OSBPL2: variants seen among roughly 807,000 people sequenced by gnomAD.
The protein encoded by OSBPL2 is oxysterol binding protein like 2, also known as oxysterol-binding protein-related protein 2.
OSBPL2 carries 18 observed loss-of-function variants against 58.4 expected under a neutral mutation model. The observed-to-expected ratio is 0.31, with a 90% CI of 0.21 to 0.46. The LOEUF is 0.46. Ranked by LOEUF, OSBPL2 falls within the 20% of genes least tolerant of loss-of-function variation. The pLI is 1.00. For synonymous variants in OSBPL2, 221 were observed against 234.1 expected (o/e 0.94, Z 0.51); for missense variants, 461 against 616.5 (o/e 0.75, Z 2.67).
chr20:62,256,961 A>C (rs562554537), intron 2 of OSBPL2, among the ~76,000 whole-genome samples: 1 of 152,378 alleles, frequency 6.6e-6, no homozygotes, highest in Non-Finnish European at 1.5e-5. Flanking sequence ...TTTTCTGGAA[A>C]GGACCATTGC....
intron 6 of OSBPL2, among the ~76,000 whole-genome samples, chr20:62,275,482 T>G (rs1300718957): frequency 2.0e-5 from 3 of 151,650 alleles, no homozygotes; most frequent in Non-Finnish European, 4.4e-5. Context: ...CACTGTAGCC[T>G]CGACCTCCTG....
At chr20:62,258,113 G>A (rs1209469146) in intron 2 of OSBPL2, among the ~76,000 whole-genome samples, 1 of 152,168 alleles carries the variant, frequency 6.6e-6, no homozygotes, top group Non-Finnish European at 1.5e-5. Flanking sequence ...AGGAGCCACA[G>A]GGTGTGCGGG....
chr20:62,244,846 C>A (rs972863013), intron 1 of OSBPL2, among the ~76,000 whole-genome samples: 1 of 152,244 alleles, frequency 6.6e-6, no homozygotes, highest in Non-Finnish European at 1.5e-5. Flanking sequence ...TCACCTTTGC[C>A]TGCCTCTCAA....
At chr20:62,281,758 G>A (rs1159635048) in intron 8 of OSBPL2, 32 bp from the exon 9 acceptor site, 4 of 1,517,950 alleles carry the variant, frequency 2.6e-6, no homozygotes, top group Non-Finnish European at 2.7e-6. Context: ...TTGCTGTCTT[G>A]CAGCAGAAAC....
At chr20:62,286,449 G>GA (rs375911327) in intron 10 of OSBPL2, 134 bp from the exon 11 acceptor site, 108,297 of 777,060 alleles carry the variant, frequency 0.14, no homozygotes, top group South Asian at 0.17. Context: ...GACTCCGTCT[G>GA]AAAAAAAAAA....
rs896467747 is a variant in OSBPL2 at position 62,263,561 on chromosome 20, G to A, written c.183-55G>A. ...TCGTCATTGAGCACAGCCTCCTTGA[G>A]TGGTCAGAGTCCTGTGTTGAATTCA... On this transcript the variant is annotated intron_variant, in intron 3 of 13. Coordinates refer to ENST00000313733, the MANE Select transcript of OSBPL2 (RefSeq NM_144498.4). The A allele has an allele frequency of 5.3e-6, 7 of 1,312,230 alleles. No homozygotes were observed. The South Asian group carries it at 5.9e-5, about 11-fold the overall frequency. 81.3% of individuals were successfully genotyped at this position (1,312,230 alleles called of 1,614,324 possible). A position where few individuals can be genotyped will look rare whatever the true frequency, so the allele number is the denominator to read the frequency against.
chr20:62,260,636 C>G (rs1239183903), intron 3 of OSBPL2, among the ~76,000 whole-genome samples: 1 of 152,150 alleles, frequency 6.6e-6, no homozygotes, highest in African/African-American at 2.4e-5. Context: ...CCCTTTCCTC[C>G]TCCTCCACGT....
At chr20:62,265,012 C>T (rs1981575364) in intron 4 of OSBPL2, among the ~76,000 whole-genome samples, 1 of 152,186 alleles carries the variant, frequency 6.6e-6, no homozygotes, top group Non-Finnish European at 1.5e-5. Flanking sequence ...GGACTGTTAA[C>T]CTGATCACTT....
chr20:62,253,042 C>T (rs1293780007), intron 1 of OSBPL2, among the ~76,000 whole-genome samples: 1 of 152,262 alleles, frequency 6.6e-6, no homozygotes, highest in African/African-American at 2.4e-5. Context: ...AGAAACTGGA[C>T]AAACCTGGGC....
intron 1 of OSBPL2, among the ~76,000 whole-genome samples, chr20:62,254,465 G>C (rs1178111426): frequency 2.0e-5 from 3 of 152,266 alleles, no homozygotes; most frequent in Non-Finnish European, 4.4e-5. Flanking sequence ...CCGTGAGCAG[G>C]GCTGTCTGCG....
chr20:62,278,956 C>T, intron 6 of OSBPL2: 1 of 551,782 alleles, frequency 1.8e-6, no homozygotes. Context: ...AGTGCGATGT[C>T]ATGTTTGTGT....
intron 1 of OSBPL2, among the ~76,000 whole-genome samples, chr20:62,252,498 C>T (rs575985678): frequency 2.0e-5 from 3 of 152,164 alleles, no homozygotes; most frequent in Non-Finnish European, 4.4e-5. Context: ...TCCTCCCGGG[C>T]GCCTCCTTTT....
At position 62,290,485 on chromosome 20, in the gene OSBPL2, C is replaced by G. The variant is rs1228101700; in HGVS notation, c.1249+1155C>G. ...AGGCTGGAGGGCAGTGGTGCGATCT[C>G]GGTTCACTGCAAGCTCCGCCTTCTG... is the stretch of plus-strand genomic sequence containing the variant. On this transcript the variant is annotated intron_variant, in intron 12 of 13. Transcript: ENST00000313733. Among the ~76,000 whole-genome samples, 4 of 131,430 alleles carry G rather than the reference C, an allele frequency of 3.0e-5. No individual in the cohort carries two copies. In the South Asian group the frequency reaches 7.5e-4, roughly 25 times the overall value. 86.2% of individuals were successfully genotyped at this position (131,430 alleles called of 152,430 possible).
chr20:62,281,371 T>A, intron 8 of OSBPL2: 1 of 563,138 alleles, frequency 1.8e-6, no homozygotes, highest in Non-Finnish European at 3.2e-6. Context: ...GACCTCGTTT[T>A]TCGTCACGGT....
At chr20:62,280,268 G>T in intron 7 of OSBPL2, 1 of 481,304 alleles carries the variant, frequency 2.1e-6, no homozygotes, top group Non-Finnish European at 3.4e-6. Context: ...CTGGATGGTG[G>T]CTAGAAGGTT....
chr20:62,241,085 C>G (rs777946875), intron 1 of OSBPL2, among the ~76,000 whole-genome samples: 2 of 152,078 alleles, frequency 1.3e-5, no homozygotes, highest in African/African-American at 4.8e-5. Context: ...ATGAGAGGTG[C>G]TGTTTGAATG....
chr20:62,270,502 C>T (rs1466384708), intron 4 of OSBPL2, among the ~76,000 whole-genome samples: 1 of 83,338 alleles, frequency 1.2e-5, no homozygotes, highest in Non-Finnish European at 2.6e-5. Context: ...CCCTCTCTGG[C>T]CTCTCTGGGT....
intron 4 of OSBPL2, among the ~76,000 whole-genome samples, chr20:62,268,993 AG>A (rs1159318264): frequency 6.6e-6 from 1 of 151,146 alleles, no homozygotes; most frequent in African/African-American, 2.4e-5. Flanking sequence ...GGAGGCGGAG[AG>A]GTTGCACTGA....
intron 3 of OSBPL2, among the ~76,000 whole-genome samples, chr20:62,262,653 A>G (rs944982872): frequency 1.3e-5 from 2 of 152,132 alleles, no homozygotes; most frequent in Admixed American, 6.5e-5. Context: ...TGACACCAGT[A>G]GTGTGCCCTG....
Sources: allele counts gnomAD v4.1 joint callset (sites outside exome capture counted in the v4.1 genomes callset), GRCh38; gene constraint gnomAD v4.1.1; transcripts MANE v1.5; gene names NCBI Gene and HGNC (gene_info 2026-07-23, HGNC 2026-07-21).